Variants in PABPC4L observed in about 807,000 individuals in gnomAD.
PABPC4L encodes the protein polyadenylate-binding protein 4-like.
For synonymous variants in PABPC4L, 169 were observed against 164.1 expected, an observed-to-expected ratio of 1.03 and a Z score of -0.23; for missense variants, 452 against 451.4, an observed-to-expected ratio of 1.00 and a Z score of -0.01.
the PABPC4L span, among the ~76,000 whole-genome samples, chr4:134,169,261 T>TA: frequency 6.6e-6 from 1 of 151,966 alleles, no homozygotes; most frequent in Admixed American, 6.6e-5. Flanking sequence ...CTCTTTATGA[T>TA]AAAAACTCTC....
chr4:134,016,632 A>G, the PABPC4L span, among the ~76,000 whole-genome samples: 1 of 152,132 alleles, frequency 6.6e-6, no homozygotes, highest in South Asian at 2.1e-4. Context: ...ACACAAGGCA[A>G]ATGGTTCTTA....
the PABPC4L span, among the ~76,000 whole-genome samples, chr4:134,099,735 G>C: frequency 2.6e-5 from 4 of 151,500 alleles, no homozygotes; most frequent in Non-Finnish European, 5.9e-5. Flanking sequence ...TTACTACAGG[G>C]ATGTAATCCT....
the PABPC4L span, among the ~76,000 whole-genome samples, chr4:134,065,021 C>A: frequency 6.6e-6 from 1 of 152,046 alleles, no homozygotes; most frequent in African/African-American, 2.4e-5. Context: ...ATTGAATCCA[C>A]GTTTTTGCTA....
At chr4:133,968,536 T>A in the PABPC4L span, among the ~76,000 whole-genome samples, 1 of 152,100 alleles carries the variant, frequency 6.6e-6, no homozygotes, top group African/African-American at 2.4e-5. Flanking sequence ...GGATTGAACT[T>A]GGAACTGGAG....
the PABPC4L span, among the ~76,000 whole-genome samples, chr4:133,988,106 C>T: frequency 6.6e-6 from 1 of 152,122 alleles, no homozygotes; most frequent in African/African-American, 2.4e-5. Flanking sequence ...CACAATGTCC[C>T]TCCCATGACA....
the PABPC4L span, among the ~76,000 whole-genome samples, chr4:134,133,161 A>G: frequency 2.6e-4 from 33 of 128,384 alleles, no homozygotes; most frequent in Non-Finnish European, 4.8e-4. Context: ...ATAATATATC[A>G]TATTACATAT....
At chr4:134,137,518 C>A in the PABPC4L span, among the ~76,000 whole-genome samples, 1 of 151,814 alleles carries the variant, frequency 6.6e-6, no homozygotes, top group East Asian at 1.9e-4. Flanking sequence ...TAGTTTCAAA[C>A]GGCATTCTTA....
chr4:134,029,025 G>C, the PABPC4L span, among the ~76,000 whole-genome samples: 4 of 152,024 alleles, frequency 2.6e-5, no homozygotes, highest in Non-Finnish European at 4.4e-5. Flanking sequence ...ACTTTGGAAG[G>C]CTTTTTATGT....
chr4:134,129,662 T>C, the PABPC4L span, among the ~76,000 whole-genome samples: 1 of 151,970 alleles, frequency 6.6e-6, no homozygotes. Context: ...AAATTTAAAC[T>C]GAATGATAAT....
At chr4:133,983,266 G>A in the PABPC4L span, among the ~76,000 whole-genome samples, 1 of 152,090 alleles carries the variant, frequency 6.6e-6, no homozygotes, top group East Asian at 1.9e-4. Flanking sequence ...CTCTTTGAGA[G>A]TCAACCTCAT....
At chr4:133,991,310 G>A in the PABPC4L span, among the ~76,000 whole-genome samples, 1 of 152,114 alleles carries the variant, frequency 6.6e-6, no homozygotes, top group Admixed American at 6.6e-5. Context: ...TACATCTGCT[G>A]TTAAATTATC....
the PABPC4L span, among the ~76,000 whole-genome samples, chr4:133,983,396 T>G: frequency 6.6e-6 from 1 of 151,872 alleles, no homozygotes; most frequent in Admixed American, 6.6e-5. Context: ...AGAAAATTAC[T>G]CTAGATAGTC....
chr4:134,028,393 G>T, the PABPC4L span, among the ~76,000 whole-genome samples: 1 of 150,970 alleles, frequency 6.6e-6, no homozygotes, highest in South Asian at 2.1e-4. Flanking sequence ...TTTTCTATGT[G>T]CTCTGCTCTC....
the PABPC4L span, among the ~76,000 whole-genome samples, chr4:134,181,027 G>A: frequency 2.0e-5 from 3 of 151,654 alleles, no homozygotes; most frequent in Admixed American, 6.6e-5. Flanking sequence ...CTAACTCTAC[G>A]AGGTCAGCAT....
At chr4:134,195,585 A>G (rs529449115), downstream of PABPC4L, among the ~76,000 whole-genome samples, 3 of 151,810 alleles carry the variant, frequency 2.0e-5, no homozygotes, top group Non-Finnish European at 4.4e-5. Context: ...ACAAAATCTG[A>G]TGGAATATCA....
At chr4:134,114,763 C>T in the PABPC4L span, among the ~76,000 whole-genome samples, 3 of 151,816 alleles carry the variant, frequency 2.0e-5, no homozygotes, top group East Asian at 1.9e-4. Flanking sequence ...TGTCAGAGCA[C>T]GTTAAAAAAT....
At chr4:133,964,215 G>A in the PABPC4L span, among the ~76,000 whole-genome samples, 5 of 151,848 alleles carry the variant, frequency 3.3e-5, no homozygotes, top group Admixed American at 3.3e-4. Context: ...AACTTGAAAC[G>A]TAGAAGAGAT....
the PABPC4L span, among the ~76,000 whole-genome samples, chr4:134,168,025 G>C: frequency 2.0e-5 from 3 of 151,948 alleles, no homozygotes; most frequent in Non-Finnish European, 4.4e-5. Flanking sequence ...CTCAAAGATA[G>C]TATATGTGTT....
chr4:134,117,063 T>G, the PABPC4L span, among the ~76,000 whole-genome samples: 1 of 150,350 alleles, frequency 6.7e-6, no homozygotes. Context: ...CCTTTCTTTC[T>G]TCTATATTCT....
Sources: gnomAD v4.1 joint callset for allele counts (sites outside exome capture counted in the v4.1 genomes callset) on GRCh38, gnomAD v4.1.1 for gene constraint, MANE v1.5 for transcripts, NCBI Gene and HGNC (gene_info 2026-07-23, HGNC 2026-07-21) for gene names.